ADCY1: variants seen among roughly 807,000 people sequenced by gnomAD.
ADCY1 encodes adenylate cyclase 1.
ADCY1 carries 28 observed loss-of-function variants against 105.4 expected under a neutral mutation model. The ratio of observed to expected loss-of-function variants is 0.27; its 90% CI spans 0.20 to 0.36. The LOEUF is 0.36. ADCY1 is among the 10% of genes least tolerant of loss of function. The probability of loss-of-function intolerance (pLI) is 1.00; values close to 1 mark genes in which losing one functional copy is unlikely to be tolerated. For synonymous variants in ADCY1, 655 were observed against 623.8 expected (o/e 1.05, Z -0.75); for missense variants, 977 against 1,434.2 (o/e 0.68, Z 5.15).
intron 4 of ADCY1, among the ~76,000 whole-genome samples, chr7:45,625,278 C>A (rs1794019878): frequency 1.3e-5 from 2 of 152,188 alleles, no homozygotes; most frequent in African/African-American, 4.8e-5. Flanking sequence ...CTCCTTGAAA[C>A]CTACTTGGCT....
Position 45,698,070 on chromosome 7 carries a change from A to G in ADCY1, c.2455-5306A>G, listed in dbSNP as rs533180758. ...CATGAGGGCTGTGGTCTGCCTTTTT[A>G]TTTCTTGGAAAGAGAAATACAACAA... On this transcript the variant is annotated intron_variant, in intron 14 of 19. Transcript: ENST00000297323. 2.6e-5 allele frequency among the ~76,000 whole-genome samples: 4 copies of G among 152,162 alleles called. No individual in the cohort carries two copies. The East Asian group carries it at 7.7e-4, about 29-fold the overall frequency.
chr7:45,601,705 C>T (rs1000362414), intron 2 of ADCY1, among the ~76,000 whole-genome samples: 3 of 152,088 alleles, frequency 2.0e-5, no homozygotes, highest in African/African-American at 4.8e-5. Context: ...GTGCTCCCAG[C>T]GGTGGCCTCT....
intron 3 of ADCY1, among the ~76,000 whole-genome samples, chr7:45,615,961 A>G (rs1793727648): frequency 6.6e-6 from 1 of 152,178 alleles, no homozygotes; most frequent in African/African-American, 2.4e-5. Flanking sequence ...TAGCTAGACC[A>G]ATAAAAAAAG....
At chr7:45,702,450 G>T (rs897358185) in intron 14 of ADCY1, among the ~76,000 whole-genome samples, 2 of 152,356 alleles carry the variant, frequency 1.3e-5, no homozygotes, top group Middle Eastern at 3.4e-3. Flanking sequence ...GGGCCGCTCC[G>T]CAAGGGCAAT....
At chr7:45,635,247 T>C (rs111325560) in intron 4 of ADCY1, among the ~76,000 whole-genome samples, 2,744 of 152,022 alleles carry the variant, frequency 0.018, 61 homozygotes, top group African/African-American at 0.051. Flanking sequence ...TTATCCATGG[T>C]TTTGGTAAGT....
rs531578717 is a variant in ADCY1, at chr7:45,668,297, C to T, written c.1605+6083C>T. 5.3e-4 allele frequency among the ~76,000 whole-genome samples: 81 copies of T among 152,152 alleles called. 1 individual carries two copies. Among genetic ancestry groups the T allele is most frequent in the African/African-American group, 1.9e-3 (77 of 41,496 alleles). On this transcript the variant is annotated intron_variant, in intron 8 of 19. Transcript: ENST00000297323. The stretch of plus-strand genomic sequence containing the variant: ...AAATAGCTCTTACTATTTTGAGATA[C>T]ATCCCATCAATACCTAATTTATTGA...
Position 45,704,627 on chromosome 7 carries a change from C to CGCCAGGCTGCACT in ADCY1, c.2817+11_2817+12insGCCAGGCTGCACT. 6.2e-7 allele frequency: 1 copy of CGCCAGGCTGCACT among 1,609,698 alleles called. No individual in the cohort carries two copies. Among genetic ancestry groups the CGCCAGGCTGCACT allele is most frequent in the Non-Finnish European group, 8.5e-7 (1 of 1,176,514 alleles). ...ACCTCGGGGACCAAGGTGAGTGCAG[C>CGCCAGGCTGCACT]CTGGCGCTGCCTGCTTGGGGACTGG... On this transcript the variant is annotated intron_variant, in intron 17 of 19. Transcript: ENST00000297323.
chr7:45,704,379 T>C (rs2116261966), intron 16 of ADCY1, 139 bp from the exon 17 acceptor site: 2 of 682,740 alleles, frequency 2.9e-6, no homozygotes, highest in East Asian at 5.6e-5. Flanking sequence ...GTCCTAGAAC[T>C]TGTCTGCCCA....
chr7:45,585,439 C>CTT (rs56193100), intron 1 of ADCY1, among the ~76,000 whole-genome samples: 34 of 121,084 alleles, frequency 2.8e-4, no homozygotes, highest in Non-Finnish European at 3.6e-4. Context: ...GTGGGTACAT[C>CTT]TTTTTTTTTT....
chr7:45,685,124 G>A (rs1784640427), intron 12 of ADCY1, 56 bp downstream of exon 12: 2 of 1,496,570 alleles, frequency 1.3e-6, no homozygotes, highest in Non-Finnish European at 1.9e-6. Context: ...TGGCATGGAG[G>A]ACCAGCCCAG....
intron 5 of ADCY1, among the ~76,000 whole-genome samples, chr7:45,655,249 G>GC (rs1367601593): frequency 6.6e-6 from 1 of 152,204 alleles, no homozygotes; most frequent in Non-Finnish European, 1.5e-5. Context: ...GCCAACAGTG[G>GC]CCCCCTCTGC....
At position 45,575,227 on chromosome 7, in the gene ADCY1, C is replaced by G. The variant is rs761208011; in HGVS notation, c.639+45C>G. ...CCTCATCTGGTCTCGGACACACTTG[C>G]TGGGACGATGCTGGGAATGCCCGGA... On this transcript the variant is annotated intron_variant, in intron 1 of 19. Transcript: ENST00000297323. The surrounding 1 kb of genome is among the most constrained non-coding windows in gnomAD (Gnocchi z 4.7). 1 of 1,528,050 alleles carries G rather than the reference C, an allele frequency of 6.5e-7. No homozygotes were observed. 94.7% of individuals were successfully genotyped at this position (1,528,050 alleles called of 1,614,324 possible). A position where few individuals can be genotyped will look rare whatever the true frequency, so the allele number is the denominator to read the frequency against.
intron 4 of ADCY1, among the ~76,000 whole-genome samples, chr7:45,626,742 G>C (rs1562695030): frequency 6.6e-6 from 1 of 152,206 alleles, no homozygotes; most frequent in African/African-American, 2.4e-5. Flanking sequence ...ATTGTAAATG[G>C]GATCCATTTG....
intron 3 of ADCY1, among the ~76,000 whole-genome samples, chr7:45,618,855 G>A (rs1235464055): frequency 6.6e-6 from 1 of 152,128 alleles, no homozygotes; most frequent in Non-Finnish European, 1.5e-5. Flanking sequence ...AGCAATCCCA[G>A]TACTGGGTAT....
chr7:45,660,172 C>T lies in ADCY1; in HGVS notation c.1438C>T (p.His480Tyr). Reference sequence around the variant, plus strand: ...CGAAACCTTTTTTATTGTGCCATCCCATCGCCGAAAGGTAGGCACCAGAGC... The same window carrying T: ...CGAAACCTTTTTTATTGTGCCATCCTATCGCCGAAAGGTAGGCACCAGAGC... ...NIETFFIVPS[H>Y]RRKIFPGLIL... Residue 480 changes from histidine to tyrosine, a missense_variant, in exon 7 of 20, where the codon CAT (histidine) becomes TAT (tyrosine). By Grantham distance (83) the His-to-Tyr change is moderately conservative (BLOSUM62 2). Around this residue, in one of 7 missense-constraint regions of ADCY1, gnomAD observed 66 missense variants for 127.2 expected, o/e 0.52. Transcript: ENST00000297323. 6.2e-7 allele frequency: 1 copy of T among 1,614,232 alleles called. No individual in the cohort carries two copies. The highest frequency in any genetic ancestry group is 8.5e-7 in the Non-Finnish European group (1 of 1,180,046).
intron 19 of ADCY1, among the ~76,000 whole-genome samples, chr7:45,711,209 G>A (rs140921653): frequency 1.3e-5 from 2 of 152,194 alleles, no homozygotes; most frequent in African/African-American, 4.8e-5. Flanking sequence ...AACTTGACTC[G>A]GTCTTGATGA....
intron 19 of ADCY1, among the ~76,000 whole-genome samples, chr7:45,712,144 T>A (rs1346482764): frequency 2.1e-5 from 3 of 140,312 alleles, no homozygotes; most frequent in Non-Finnish European, 4.6e-5. Context: ...ATTTTTATTT[T>A]AAATTATTTT....
chr7:45,621,075 CT>C (rs1447454934), intron 3 of ADCY1, among the ~76,000 whole-genome samples: 4 of 150,966 alleles, frequency 2.6e-5, no homozygotes, highest in Non-Finnish European at 4.4e-5. Flanking sequence ...TGTTCAAATC[CT>C]TTTTTTTTGA....
At position 45,694,112 on chromosome 7, in the gene ADCY1, T is replaced by TA. The variant is rs1179413059; in HGVS notation, c.2454+7441dup. ...CACATGTACCCTAAAACTTAGAGTA[T>TA]AATAAAAAAAAAAAAAAAAAAAAAA... On this transcript the variant is annotated intron_variant, in intron 14 of 19. Transcript: ENST00000297323. Among the ~76,000 whole-genome samples the TA allele has an allele frequency of 5.6e-3, 177 of 31,662 alleles. 2 individuals carry two copies. The highest frequency in any genetic ancestry group is 0.011 in the Admixed American group (29 of 2,736). 20.8% of individuals were successfully genotyped at this position (31,662 alleles called of 152,430 possible).
Sources: allele counts gnomAD v4.1 joint callset (sites outside exome capture counted in the v4.1 genomes callset), GRCh38; gene constraint gnomAD v4.1.1; regional missense constraint gnomAD v4.1.1; non-coding constraint Gnocchi (gnomAD v3.1); transcripts MANE v1.5; gene names NCBI Gene and HGNC (gene_info 2026-07-23, HGNC 2026-07-21).